The following CACNA1E variants were observed in gnomAD, a reference collection of about 807,000 sequenced individuals.
CACNA1E encodes the protein voltage-dependent R-type calcium channel subunit alpha-1E.
In CACNA1E, 40 loss-of-function variants were observed where a neutral mutation model predicts 259.2. The ratio of observed to expected loss-of-function variants is 0.15; its 90% CI spans 0.12 to 0.20. CACNA1E has a LOEUF of 0.20. Ranked by LOEUF, CACNA1E falls within the 10% of genes least tolerant of loss-of-function variation. CACNA1E has a pLI of 1.00. For synonymous variants in CACNA1E, 1,104 were observed against 1,138.5 expected, an observed-to-expected ratio of 0.97 and a Z score of 0.61; for missense variants, 1,874 against 3,040.1, an observed-to-expected ratio of 0.62 and a Z score of 9.02.
intron 7 of CACNA1E, among the ~76,000 whole-genome samples, chr1:181,660,811 T>C (rs1437484320): frequency 6.6e-6 from 1 of 152,114 alleles, no homozygotes; most frequent in Non-Finnish European, 1.5e-5. Context: ...CTGGCTAACA[T>C]AAGGGAGAGT....
In CACNA1E at chr1:181,720,221, A is replaced by G. The variant is rs374286518; in HGVS notation, c.1767A>G (p.Leu589=). The stretch of plus-strand genomic sequence containing the variant: ...GGTTTTGTAGGTATTGGGCTTCCCT[A>G]CGGAATTTGGTGGTCTCCTTGATGA... ...IFKITKYWAS[L]RNLVVSLMSS... is the part of the protein sequence containing the mutation. The change falls in exon 14 of 48, where the codon CTA becomes CTG. Residue 589 remains leucine (L), a synonymous_variant. Coordinates refer to ENST00000367573, the MANE Select transcript of CACNA1E (RefSeq NM_001205293.3). The G allele has an allele frequency of 5.6e-5, 91 of 1,613,944 alleles. No homozygotes were observed. The African/African-American group carries it at 8.7e-4, about 15-fold the overall frequency.
intron 2 of CACNA1E, among the ~76,000 whole-genome samples, chr1:181,426,056 C>T (rs1040410045): frequency 2.6e-5 from 4 of 152,100 alleles, no homozygotes; most frequent in Non-Finnish European, 5.9e-5. Flanking sequence ...TCTTTCTGCT[C>T]TTGGAGTAGG....
chr1:181,733,019 C>T lies in CACNA1E; in HGVS notation c.2933C>T (p.Ala978Val). ...GAGCCAACGATCCAAGAAGAGAGAG[C>T]CCAGGATTTAAGGAGGTGAGTGAGT... ...AKEPTIQEER[A>V]QDLRRTNSLM... Residue 978 changes from alanine to valine, a missense_variant, in exon 20 of 48, where the codon GCC becomes GTC. Around this residue, in one of 14 missense-constraint regions of CACNA1E, gnomAD observed 476 missense variants for 514.0 expected, o/e 0.93. Coordinates refer to ENST00000367573, the MANE Select transcript of CACNA1E (RefSeq NM_001205293.3). The T allele has an allele frequency of 1.2e-6, 2 of 1,605,144 alleles. No individual in the cohort carries two copies. Among genetic ancestry groups the T allele is most frequent in the Non-Finnish European group, 1.7e-6 (2 of 1,175,716 alleles).
intron 6 of CACNA1E, among the ~76,000 whole-genome samples, chr1:181,636,391 C>G (rs1156690370): frequency 6.6e-6 from 1 of 152,262 alleles, no homozygotes; most frequent in Middle Eastern, 3.4e-3. Context: ...ATAATGTAGT[C>G]AAAACATATA....
At chr1:181,534,186 C>G (rs1667981748) in intron 3 of CACNA1E, among the ~76,000 whole-genome samples, 1 of 151,962 alleles carries the variant, frequency 6.6e-6, no homozygotes, top group South Asian at 2.1e-4. Flanking sequence ...GGTGAATACT[C>G]TTTATAAAGG....
At chr1:181,449,140 T>G (rs1660987838) in intron 2 of CACNA1E, among the ~76,000 whole-genome samples, 1 of 152,196 alleles carries the variant, frequency 6.6e-6, no homozygotes, top group Non-Finnish European at 1.5e-5. Flanking sequence ...GTGTGTTAAT[T>G]GATTTATTTT....
chr1:181,337,819 A>G (rs1474254424), intron 1 of CACNA1E, among the ~76,000 whole-genome samples: 1 of 152,246 alleles, frequency 6.6e-6, no homozygotes, highest in African/African-American at 2.4e-5. Flanking sequence ...TACAGTGAAC[A>G]TGAAAGTGCA....
chr1:181,666,396 G>C (rs1177555366), intron 7 of CACNA1E, among the ~76,000 whole-genome samples: 1 of 152,082 alleles, frequency 6.6e-6, no homozygotes, highest in Non-Finnish European at 1.5e-5. Context: ...TTTCCAGTAT[G>C]GGGAGAGTCT....
rs575065824 is a variant in CACNA1E, at chr1:181,732,661, G to T, written c.2575G>T (p.Asp859Tyr). 6.6e-7 allele frequency: 1 copy of T among 1,518,582 alleles called. No homozygotes were observed. Among genetic ancestry groups the T allele is most frequent in the South Asian group, 1.3e-5 (1 of 74,762 alleles). The allele number at this position is 1,518,582 out of a possible 1,614,324, so 94.1% of individuals were successfully genotyped here. A position where few individuals can be genotyped will look rare whatever the true frequency, so the allele number is the denominator to read the frequency against. The part of the protein sequence containing the change: ...RISRGGSLKG[D>Y]GGDRSSALDN... Reference sequence around the variant, plus strand: ...CAGCCGTGGGGGGTCCCTCAAGGGGGATGGAGGGGACCGATCCAGTGCCCT... The same window carrying T: ...CAGCCGTGGGGGGTCCCTCAAGGGGTATGGAGGGGACCGATCCAGTGCCCT... Residue 859 changes from aspartate to tyrosine, a missense_variant, in exon 20 of 48, where the codon GAT becomes TAT. Around this residue, in one of 14 missense-constraint regions of CACNA1E, gnomAD observed 476 missense variants for 514.0 expected, o/e 0.93. Coordinates refer to ENST00000367573, the MANE Select transcript of CACNA1E (RefSeq NM_001205293.3). This position sits in a 1 kb window ranked among gnomAD's most constrained non-coding sequence, Gnocchi z 5.5.
chr1:181,339,610 C>T lies in CACNA1E; in HGVS notation c.-15+21487C>T, dbSNP rs78838792. On this transcript the variant is annotated intron_variant, in intron 1 of 11. Transcript: ENST00000524607. ...GAAATTGTAGAGTTTATTCATCTAC[C>T]GACATAGTACCTATTTCCTTGCCTC... Among the ~76,000 whole-genome samples, 455 of 152,078 alleles carry T rather than the reference C, an allele frequency of 3.0e-3. 3 individuals carry two copies. Among genetic ancestry groups the T allele is most frequent in the African/African-American group, 0.01 (434 of 41,514 alleles).
intron 38 of CACNA1E, among the ~76,000 whole-genome samples, chr1:181,780,330 G>A (rs1226260535): frequency 6.6e-6 from 1 of 152,186 alleles, no homozygotes; most frequent in East Asian, 1.9e-4. Context: ...GTTCAGGGGT[G>A]AGTAGGACCT....
chr1:181,738,098 G>T (rs1324517273), intron 23 of CACNA1E, among the ~76,000 whole-genome samples: 1 of 152,230 alleles, frequency 6.6e-6, no homozygotes, highest in Non-Finnish European at 1.5e-5. Flanking sequence ...GGGCAATTCA[G>T]ACCCAAAATG....
rs528775598 is a variant in CACNA1E, at chr1:181,730,426, C to T, written c.2241-749C>T. 6.6e-5 allele frequency among the ~76,000 whole-genome samples: 10 copies of T among 152,312 alleles called. No individual in the cohort carries two copies. In the East Asian group the frequency reaches 7.7e-4, roughly 12 times the overall value. On this transcript the variant is annotated intron_variant, in intron 18 of 47. Transcript: ENST00000367573. ...TCTGTTTTTGCGGGAACAGTTCATA[C>T]GTTGCCATTCTAACCTTGTGTTTGT...
intron 3 of CACNA1E, among the ~76,000 whole-genome samples, chr1:181,533,917 C>G (rs1215964822): frequency 1.3e-5 from 2 of 151,846 alleles, no homozygotes; most frequent in Non-Finnish European, 1.5e-5. Flanking sequence ...ATCCAGCAAT[C>G]GTGTAAAAGT....
chr1:181,355,909 G>C (rs1430757603), intron 1 of CACNA1E, among the ~76,000 whole-genome samples: 1 of 152,142 alleles, frequency 6.6e-6, no homozygotes, highest in Non-Finnish European at 1.5e-5. Flanking sequence ...GACCCAATTT[G>C]TAAGGCAATT....
intron 1 of CACNA1E, among the ~76,000 whole-genome samples, chr1:181,384,716 G>C (rs1445282129): frequency 6.6e-6 from 1 of 151,974 alleles, no homozygotes; most frequent in Non-Finnish European, 1.5e-5. Context: ...TGGTGTTCCC[G>C]GTACAAGCCC....
At chr1:181,525,481 C>T (rs1008605661) in intron 3 of CACNA1E, among the ~76,000 whole-genome samples, 14 of 152,152 alleles carry the variant, frequency 9.2e-5, no homozygotes, top group Non-Finnish European at 1.5e-4. Context: ...TTTTTGTCCT[C>T]TTCAAGATAG....
intron 7 of CACNA1E, among the ~76,000 whole-genome samples, chr1:181,679,732 A>G (rs1183740768): frequency 1.3e-5 from 2 of 152,174 alleles, no homozygotes; most frequent in Non-Finnish European, 2.9e-5. Context: ...CAGGCTGGAC[A>G]GTGGCCTGGG....
intron 6 of CACNA1E, among the ~76,000 whole-genome samples, chr1:181,646,725 C>G (rs2102034533): frequency 6.6e-6 from 1 of 152,310 alleles, no homozygotes; most frequent in South Asian, 2.1e-4. Flanking sequence ...CTCCTGCTTG[C>G]TCTATCCCCA....
Sources: allele counts gnomAD v4.1 joint callset (sites outside exome capture counted in the v4.1 genomes callset), GRCh38; gene constraint gnomAD v4.1.1; regional missense constraint gnomAD v4.1.1; non-coding constraint Gnocchi (gnomAD v3.1); transcripts MANE v1.5; gene names NCBI Gene and HGNC (gene_info 2026-07-23, HGNC 2026-07-21).